Variants in ANTXR2 observed in about 807,000 individuals in gnomAD.
ANTXR2 encodes the protein anthrax toxin receptor 2.
Under a neutral mutation model 73.7 loss-of-function variants are expected in ANTXR2, and 44 were observed. The observed-to-expected ratio is 0.60, with a 90% CI of 0.47 to 0.77. The LOEUF is 0.77. Ranked by LOEUF, ANTXR2 falls within the 30% of genes least tolerant of loss-of-function variation. ANTXR2 has a pLI of 0.00. For synonymous variants in ANTXR2, 217 were observed against 205.9 expected, an observed-to-expected ratio of 1.05 and a Z score of -0.46; for missense variants, 604 against 592.5, an observed-to-expected ratio of 1.02 and a Z score of -0.20.
chr4:80,056,810 T>C (rs958620111), intron 3 of ANTXR2, among the ~76,000 whole-genome samples: 3 of 151,876 alleles, frequency 2.0e-5, no homozygotes, highest in Non-Finnish European at 4.4e-5. Context: ...TACAATATTA[T>C]TAAGAGCTAT....
At chr4:80,022,067 T>C (rs1405345173) in intron 10 of ANTXR2, among the ~76,000 whole-genome samples, 3 of 152,204 alleles carry the variant, frequency 2.0e-5, no homozygotes, top group African/African-American at 7.2e-5. Context: ...TGTCCAAATA[T>C]TGGACTTCAC....
chr4:80,005,574 C>T (rs1560976665), intron 12 of ANTXR2, among the ~76,000 whole-genome samples: 1 of 152,034 alleles, frequency 6.6e-6, no homozygotes, highest in Non-Finnish European at 1.5e-5. Context: ...ACTCAAGATC[C>T]TTTTCCACAA....
chr4:80,056,174 A>G (rs1733986106), intron 3 of ANTXR2, among the ~76,000 whole-genome samples, 161 bp from the exon 4 acceptor site: 1 of 151,940 alleles, frequency 6.6e-6, no homozygotes, highest in Non-Finnish European at 1.5e-5. Context: ...ACTTTTTGTA[A>G]TTTTAGTAAG....
chr4:79,957,490 TAAG>T (rs1179832540), intron 16 of ANTXR2, among the ~76,000 whole-genome samples: 2 of 152,198 alleles, frequency 1.3e-5, no homozygotes, highest in Non-Finnish European at 2.9e-5. Flanking sequence ...GTAGAAAACT[TAAG>T]AATATCTAAG....
intron 4 of ANTXR2, 99 bp from the exon 5 acceptor site, chr4:80,055,566 A>G: frequency 1.0e-6 from 1 of 960,758 alleles, no homozygotes; most frequent in Non-Finnish European, 1.6e-6. Context: ...AAATCAAAAT[A>G]TTACTGGCTA....
At chr4:80,060,444 C>A (rs1156920710) in intron 3 of ANTXR2, among the ~76,000 whole-genome samples, 1 of 152,130 alleles carries the variant, frequency 6.6e-6, no homozygotes, top group Non-Finnish European at 1.5e-5. Flanking sequence ...CCAGTCATTG[C>A]TTCTGTATGA....
chr4:79,923,529 C>T (rs1028234100), intron 16 of ANTXR2, among the ~76,000 whole-genome samples: 1 of 151,976 alleles, frequency 6.6e-6, no homozygotes, highest in East Asian at 1.9e-4. Context: ...GGTGTCAGTT[C>T]CAAGGAGAAA....
chr4:80,044,149 G>A (rs1733408450), intron 7 of ANTXR2, among the ~76,000 whole-genome samples: 1 of 151,912 alleles, frequency 6.6e-6, no homozygotes, highest in Non-Finnish European at 1.5e-5. Context: ...AATAATAACT[G>A]ACGGTAAAGA....
intron 7 of ANTXR2, among the ~76,000 whole-genome samples, chr4:80,038,279 A>G (rs1056623530): frequency 8.5e-5 from 13 of 152,174 alleles, no homozygotes; most frequent in African/African-American, 2.7e-4. Context: ...ATTTCATAAT[A>G]TTTAAGATAA....
chr4:80,029,526 C>G (rs1209355345), intron 10 of ANTXR2, among the ~76,000 whole-genome samples: 2 of 151,828 alleles, frequency 1.3e-5, no homozygotes, highest in Non-Finnish European at 2.9e-5. Context: ...AGTAAATCTA[C>G]TATGAGTCAG....
chr4:79,915,599 C>T (rs1246539239), intron 16 of ANTXR2, among the ~76,000 whole-genome samples: 1 of 151,832 alleles, frequency 6.6e-6, no homozygotes, highest in East Asian at 1.9e-4. Flanking sequence ...ATGTTGTGTA[C>T]GACAGTAAAG....
chr4:79,920,345 G>A (rs1351607111), intron 16 of ANTXR2, among the ~76,000 whole-genome samples: 1 of 152,116 alleles, frequency 6.6e-6, no homozygotes, highest in Non-Finnish European at 1.5e-5. Context: ...CAATCAATAT[G>A]ATGGATCAGG....
intron 16 of ANTXR2, among the ~76,000 whole-genome samples, chr4:79,960,444 C>T (rs535785065): frequency 9.1e-4 from 139 of 152,060 alleles, no homozygotes; most frequent in African/African-American, 3.2e-3. Context: ...TGATGTATAT[C>T]AGAGAATAAA....
At chr4:80,051,766 A>G (rs1733782832) in intron 7 of ANTXR2, among the ~76,000 whole-genome samples, 1 of 151,746 alleles carries the variant, frequency 6.6e-6, no homozygotes, top group Non-Finnish European at 1.5e-5. Flanking sequence ...TAAAAGCAGA[A>G]CTACTACAGT....
chr4:80,054,254 C>A lies in ANTXR2; in HGVS notation c.636+18G>T, dbSNP rs369745296. On this transcript the variant is annotated intron_variant, in intron 7 of 16. Coordinates refer to ENST00000403729, the MANE Select transcript of ANTXR2 (RefSeq NM_058172.6). ...ATACAAGGTTATGAGCCCTTCCTGCCCCCAGAGAAATACTCACAGAATTAA... is the reference window on the plus strand; with the variant it reads ...ATACAAGGTTATGAGCCCTTCCTGCACCCAGAGAAATACTCACAGAATTAA... 43 of 1,569,680 alleles carry A rather than the reference C, an allele frequency of 2.7e-5. No individual in the cohort carries two copies. The highest frequency in any genetic ancestry group is 3.7e-5 in the Non-Finnish European group (42 of 1,150,182).
intron 7 of ANTXR2, among the ~76,000 whole-genome samples, chr4:80,050,031 G>A (rs571509148): frequency 2.0e-5 from 3 of 151,734 alleles, no homozygotes; most frequent in African/African-American, 4.8e-5. Flanking sequence ...GTTCCATTGC[G>A]AAAGACAGAA....
chr4:79,950,741 CA>C (rs1259876998), intron 16 of ANTXR2, among the ~76,000 whole-genome samples: 1 of 152,112 alleles, frequency 6.6e-6, no homozygotes, highest in Non-Finnish European at 1.5e-5. Flanking sequence ...TTTGAATGAT[CA>C]AAAAAGCCTC....
In ANTXR2 at chr4:79,993,760, G is replaced by GCGCGCGCGCGCACA. The variant is rs71662888; in HGVS notation, c.1042-8898_1042-8897insTGTGCGCGCGCGCG. On this transcript the variant is annotated intron_variant, in intron 12 of 16. Transcript: ENST00000403729. Reference sequence around the variant, plus strand: ...GGCAATACACCACACACACACACACGCACACACACACACACACACACACAT... The same window carrying GCGCGCGCGCGCACA: ...GGCAATACACCACACACACACACACGCGCGCGCGCGCACACACACACACACACACACACACACAT... Among the ~76,000 whole-genome samples, 6 of 140,770 alleles carry GCGCGCGCGCGCACA rather than the reference G, an allele frequency of 4.3e-5. No homozygotes were observed. In the East Asian group the frequency reaches 8.3e-4, roughly 20 times the overall value. The allele number at this position is 140,770 out of a possible 152,430, so 92.4% of individuals were successfully genotyped here.
chr4:79,922,530 C>A (rs1727629980), intron 16 of ANTXR2, among the ~76,000 whole-genome samples: 1 of 152,034 alleles, frequency 6.6e-6, no homozygotes, highest in African/African-American at 2.4e-5. Flanking sequence ...ACATTTAACA[C>A]ATACAAGCAT....
Sources: allele counts gnomAD v4.1 joint callset (sites outside exome capture counted in the v4.1 genomes callset), GRCh38; gene constraint gnomAD v4.1.1; transcripts MANE v1.5; gene names NCBI Gene and HGNC (gene_info 2026-07-23, HGNC 2026-07-21).